The following CACNA2D4 variants were observed in gnomAD, a reference collection of about 807,000 sequenced individuals.
The protein encoded by CACNA2D4 is voltage-dependent calcium channel subunit alpha-2/delta-4.
In CACNA2D4, 157 loss-of-function variants were observed where a neutral mutation model predicts 163.8. That is an observed-to-expected ratio of 0.96 (90% CI 0.84 to 1.09). The LOEUF is 1.09. CACNA2D4 is among the 50% of genes least tolerant of loss of function. CACNA2D4 has a pLI of 0.00. For synonymous variants in CACNA2D4, 598 were observed against 586.9 expected (o/e 1.02, Z -0.27); for missense variants, 1,410 against 1,479.9 (o/e 0.95, Z 0.78).
chr12:1,840,443 G>GA (rs921984126), intron 26 of CACNA2D4, among the ~76,000 whole-genome samples: 1 of 7,632 alleles, frequency 1.3e-4, no homozygotes, highest in Non-Finnish European at 2.1e-4. Context: ...ATGTGGAAGA[G>GA]GGGGGTGGGT....
chr12:1,908,620 C>T (rs1358304728), intron 4 of CACNA2D4, among the ~76,000 whole-genome samples: 2 of 151,838 alleles, frequency 1.3e-5, no homozygotes, highest in Non-Finnish European at 2.9e-5. Flanking sequence ...GCGTCACGGA[C>T]ATCCCCACGC....
chr12:1,861,800 A>G (rs973762116), intron 18 of CACNA2D4, among the ~76,000 whole-genome samples: 1 of 151,502 alleles, frequency 6.6e-6, no homozygotes, highest in Non-Finnish European at 1.5e-5. Context: ...TGTATTACCT[A>G]ATTAGCTTCG....
chr12:1,852,881 C>T (rs528656151), intron 23 of CACNA2D4, among the ~76,000 whole-genome samples: 12 of 152,234 alleles, frequency 7.9e-5, no homozygotes, highest in East Asian at 7.7e-4. Context: ...TGCTTGATCT[C>T]GCTATGCTTT....
chr12:1,907,744 CGTGTCTGGTGGGT>C (rs1364505387), intron 5 of CACNA2D4, 118 bp downstream of exon 5: 41 of 1,195,366 alleles, frequency 3.4e-5, no homozygotes, highest in Admixed American at 4.5e-5. Context: ...GCCTGGTGGG[CGTGTCTGGTGGGT>C]GTGTCTGGTG....
At chr12:1,835,242 G>C (rs1360017174) in intron 26 of CACNA2D4, 1 of 154,628 alleles carries the variant, frequency 6.5e-6, no homozygotes, top group African/African-American at 2.4e-5. Context: ...TGGTACCAAT[G>C]TGCAAACACA....
intron 3 of CACNA2D4, among the ~76,000 whole-genome samples, chr12:1,911,021 A>ATTTTTTTT (rs374264665): frequency 2.2e-5 from 3 of 133,482 alleles, no homozygotes; most frequent in Admixed American, 7.7e-5. Context: ...CCGCAATACA[A>ATTTTTTTT]TTTTTTTTTT....
chr12:1,891,386 A>G (rs1364058984), intron 6 of CACNA2D4, among the ~76,000 whole-genome samples: 1 of 152,226 alleles, frequency 6.6e-6, no homozygotes, highest in Non-Finnish European at 1.5e-5. Flanking sequence ...GATCAAAGTC[A>G]AAATGTCCTA....
chr12:1,818,961 C>T (rs1030226375), intron 26 of CACNA2D4, among the ~76,000 whole-genome samples: 3 of 147,630 alleles, frequency 2.0e-5, no homozygotes, highest in Non-Finnish European at 4.5e-5. Flanking sequence ...TCCCCCTCTC[C>T]GAGAAACACC....
intron 18 of CACNA2D4, among the ~76,000 whole-genome samples, chr12:1,863,517 G>T (rs868405869): frequency 6.6e-6 from 1 of 152,172 alleles, no homozygotes; most frequent in Non-Finnish European, 1.5e-5. Context: ...TGGGGAGAAT[G>T]AATGTGTTAA....
rs1263482081 is a variant in CACNA2D4 at position 1,884,327 on chromosome 12, C to A, written c.1273-6G>T. 1 of 1,611,246 alleles carries A rather than the reference C, an allele frequency of 6.2e-7. No homozygotes were observed. Among genetic ancestry groups the A allele is most frequent in the Non-Finnish European group, 8.5e-7 (1 of 1,178,800 alleles). ...AGGTAAGTGAAAACTCGGACCTAAC[C>A]CACAAGACACAGAGGCACTCAGCAG... On this transcript the variant is annotated splice_region_variant and splice_polypyrimidine_tract_variant and intron_variant, in intron 11 of 37. Coordinates refer to ENST00000382722, the MANE Select transcript of CACNA2D4 (RefSeq NM_172364.5).
Position 1,860,138 on chromosome 12 carries a change from C to A in CACNA2D4, c.1940+7G>T, listed in dbSNP as rs372200034. Reference sequence around the variant, plus strand: ...CACCCCGTGCAAATAAAGCCTGTGTCCCTCACCTGAAAGGGGTGTCGCTGA... The same window carrying A: ...CACCCCGTGCAAATAAAGCCTGTGTACCTCACCTGAAAGGGGTGTCGCTGA... On this transcript the variant is annotated splice_region_variant and intron_variant, in intron 19 of 37. Transcript: ENST00000382722. The A allele has an allele frequency of 6.2e-7, 1 of 1,610,822 alleles. No individual in the cohort carries two copies. The highest frequency in any genetic ancestry group is 2.2e-5 in the East Asian group (1 of 44,872).
chr12:1,879,965 C>T (rs1865960479), intron 13 of CACNA2D4, 84 bp from the exon 14 acceptor site: 4 of 779,556 alleles, frequency 5.1e-6, no homozygotes, highest in African/African-American at 1.8e-5. Context: ...GTGCGGAGAA[C>T]CCACAGTCAC....
rs184264198 is a variant in CACNA2D4 at position 1,918,527 on chromosome 12, C to T, written c.-54G>A. The T allele has an allele frequency of 2.2e-3, 3,195 of 1,422,210 alleles. 7 individuals carry two copies. The highest frequency in any genetic ancestry group is 2.9e-3 in the Non-Finnish European group (2,987 of 1,042,132). The allele number at this position is 1,422,210 out of a possible 1,614,324, so 88.1% of individuals were successfully genotyped here. ...CAGGACGCCCCAGGCCTTTGTCTTC[C>T]GTGCCTTGGCGAGCCTGGGGTCTCC... On this transcript the variant is annotated 5_prime_UTR_variant, in exon 1 of 38. Coordinates refer to ENST00000382722, the MANE Select transcript of CACNA2D4 (RefSeq NM_172364.5).
rs114343089 is a variant in CACNA2D4, at chr12:1,800,745, T to A, written c.2868+298A>T. 1,457 of 591,360 alleles carry A rather than the reference T, an allele frequency of 2.5e-3. 17 individuals carry two copies. The African/African-American group carries it at 0.025, about 10-fold the overall frequency. The allele number at this position is 591,360 out of a possible 1,614,324, so 36.6% of individuals were successfully genotyped here. A position where few individuals can be genotyped will look rare whatever the true frequency, so the allele number is the denominator to read the frequency against. On this transcript the variant is annotated intron_variant, in intron 31 of 37. Coordinates refer to ENST00000382722, the MANE Select transcript of CACNA2D4 (RefSeq NM_172364.5). Reference sequence around the variant, plus strand: ...CTGCACTGCTGAGGATCCCTGGTGATCAAGCGGCAGTGTCAGGGGCTGAGG... The same window carrying A: ...CTGCACTGCTGAGGATCCCTGGTGAACAAGCGGCAGTGTCAGGGGCTGAGG...
chr12:1,804,517 T>C (rs1246689382), intron 29 of CACNA2D4, among the ~76,000 whole-genome samples: 1 of 152,222 alleles, frequency 6.6e-6, no homozygotes, highest in Non-Finnish European at 1.5e-5. Flanking sequence ...TCCCCCTCCA[T>C]AAATTACTAG....
Position 1,834,609 on chromosome 12 carries a change from T to C in CACNA2D4, c.2551+6130A>G, listed in dbSNP as rs961125080. The C allele has an allele frequency of 1.2e-6, 2 of 1,600,048 alleles. No individual in the cohort carries two copies. The highest frequency in any genetic ancestry group is 1.7e-6 in the Non-Finnish European group (2 of 1,179,894). ...GTGGTGGCCGCTGCCTATGGCTGCA[T>C]CTACGCCTCCCTCATGGCCAAGTAC... is the stretch of plus-strand genomic sequence containing the variant. On this transcript the variant is annotated intron_variant, in intron 26 of 37. Coordinates refer to ENST00000382722, the MANE Select transcript of CACNA2D4 (RefSeq NM_172364.5). This position sits in a 1 kb window ranked among gnomAD's most constrained non-coding sequence, Gnocchi z 7.6.
chr12:1,906,067 C>G (rs1006313796), intron 6 of CACNA2D4, among the ~76,000 whole-genome samples: 1 of 152,122 alleles, frequency 6.6e-6, no homozygotes, highest in African/African-American at 2.4e-5. Flanking sequence ...GTACCAAGAC[C>G]ATTCAATGGA....
Position 1,853,932 on chromosome 12 carries a change from C to G in CACNA2D4, c.2246+19G>C. On this transcript the variant is annotated intron_variant, in intron 23 of 37. Coordinates refer to ENST00000382722, the MANE Select transcript of CACNA2D4 (RefSeq NM_172364.5). ...CTGGGGGCTGGTTGGGGCCTGGGAA[C>G]CTGGGAACCTGGACCTACTCGGACA... 6.2e-7 allele frequency: 1 copy of G among 1,602,272 alleles called. No individual in the cohort carries two copies. Among genetic ancestry groups the G allele is most frequent in the South Asian group, 1.1e-5 (1 of 90,126 alleles).
chr12:1,853,602 G>C (rs1398625629), intron 23 of CACNA2D4, among the ~76,000 whole-genome samples: 1 of 152,128 alleles, frequency 6.6e-6, no homozygotes, highest in Admixed American at 6.6e-5. Flanking sequence ...ATCAGGAGAA[G>C]ACCAGCAAAG....
Sources: allele counts gnomAD v4.1 joint callset (sites outside exome capture counted in the v4.1 genomes callset), GRCh38; gene constraint gnomAD v4.1.1; non-coding constraint Gnocchi (gnomAD v3.1); transcripts MANE v1.5; gene names NCBI Gene and HGNC (gene_info 2026-07-23, HGNC 2026-07-21).